Variants in CBR4 observed in about 807,000 individuals in gnomAD.
The protein encoded by CBR4 is carbonyl reductase 4.
In CBR4, 22 loss-of-function variants were observed where a neutral mutation model predicts 21.0. The observed-to-expected ratio is 1.05, with a 90% CI of 0.75 to 1.50. CBR4 has a LOEUF of 1.50. CBR4 is among the 40% of genes most tolerant of loss of function. The pLI is 0.00. For missense variants in CBR4, 302 were observed against 286.3 expected (o/e 1.05, Z -0.40); for synonymous variants, 100 against 104.4 (o/e 0.96, Z 0.26).
intron 2 of CBR4, among the ~76,000 whole-genome samples, chr4:168,945,347 C>T (rs1479594859): frequency 6.6e-6 from 1 of 152,162 alleles, no homozygotes; most frequent in Admixed American, 6.6e-5. Flanking sequence ...TCAAGAACCT[C>T]GAAGAATCTC....
chr4:168,954,418 G>A (rs1367285378), intron 2 of CBR4, among the ~76,000 whole-genome samples: 2 of 152,102 alleles, frequency 1.3e-5, no homozygotes, highest in African/African-American at 2.4e-5. Flanking sequence ...GCATCTGCTT[G>A]GCCATTTGGT....
chr4:168,941,919 A>G (rs1763274658), intron 2 of CBR4, among the ~76,000 whole-genome samples: 1 of 152,144 alleles, frequency 6.6e-6, no homozygotes, highest in Admixed American at 6.6e-5. Context: ...TCTACTATAA[A>G]GACACATGCA....
At chr4:168,956,459 A>C (rs1396364626) in intron 2 of CBR4, among the ~76,000 whole-genome samples, 4 of 151,872 alleles carry the variant, frequency 2.6e-5, no homozygotes, top group Non-Finnish European at 5.9e-5. Flanking sequence ...TTAGTTACGC[A>C]CGGTGGCGTG....
intron 2 of CBR4, among the ~76,000 whole-genome samples, chr4:168,969,730 G>A (rs968140701): frequency 2.0e-5 from 3 of 152,070 alleles, no homozygotes; most frequent in Non-Finnish European, 2.9e-5. Context: ...AAGAGATCCC[G>A]CTGATCTACA....
Position 168,989,498 on chromosome 4 carries a change from G to T in CBR4, c.*652C>A, listed in dbSNP as rs1249899793. The T allele has an allele frequency of 1.0e-6, 1 of 985,186 alleles. No individual in the cohort carries two copies. The highest frequency in any genetic ancestry group is 1.1e-4 in the East Asian group (1 of 8,834). The allele number at this position is 985,186 out of a possible 1,614,324, so 61.0% of individuals were successfully genotyped here. A position where few individuals can be genotyped will look rare whatever the true frequency, so the allele number is the denominator to read the frequency against. ...ATGTCTTTAATGAATACTATGTTTT[G>T]CAACCTGTATAAAAACTGATCACCC... On this transcript the variant is annotated 3_prime_UTR_variant, in exon 5 of 5. Transcript: ENST00000306193.
At chr4:168,904,840 T>G (rs1303100703) in intron 2 of CBR4, among the ~76,000 whole-genome samples, 1 of 152,122 alleles carries the variant, frequency 6.6e-6, no homozygotes, top group Non-Finnish European at 1.5e-5. Flanking sequence ...TAATTAAAGT[T>G]TCTGGCCCAG....
chr4:168,961,478 C>G lies in CBR4; in HGVS notation n.169+40593G>C, dbSNP rs76539613. 8.7e-3 allele frequency among the ~76,000 whole-genome samples: 1,318 copies of G among 152,012 alleles called. 17 individuals are homozygous for G. The highest frequency in any genetic ancestry group is 0.03 in the African/African-American group (1,237 of 41,456). On this transcript the variant is annotated intron_variant and non_coding_transcript_variant, in intron 2 of 3. Transcript: ENST00000509108. ...GTTTCTGGCTGTCTACTGTGAAACC[C>G]CTAAAAATGTAAAATTCAATATGTG...
chr4:168,938,914 G>GA (rs1763184655), intron 2 of CBR4, among the ~76,000 whole-genome samples: 4 of 152,068 alleles, frequency 2.6e-5, no homozygotes, highest in African/African-American at 9.7e-5. Flanking sequence ...CTAAACAATA[G>GA]TAAAAAAGGG....
rs1425479998 is a variant in CBR4, at chr4:168,998,115, CAACTTAAAA to C, written c.535+3947_535+3955del. 2.0e-5 allele frequency among the ~76,000 whole-genome samples: 3 copies of C among 152,216 alleles called. No homozygotes were observed. In the East Asian group the frequency reaches 5.8e-4, roughly 29 times the overall value. ...CCAAGTAGTAAACATAAAAGCTCTT[CAACTTAAAA>C]AATAAAGTACTGAAACACTTAAGGT... On this transcript the variant is annotated intron_variant, in intron 4 of 4. Transcript: ENST00000306193.
At chr4:168,913,576 G>A (rs1359046325) in intron 2 of CBR4, among the ~76,000 whole-genome samples, 2 of 152,030 alleles carry the variant, frequency 1.3e-5, no homozygotes, top group African/African-American at 4.8e-5. Flanking sequence ...AGAGACTGAT[G>A]TCCTCCTGCT....
intron 2 of CBR4, among the ~76,000 whole-genome samples, chr4:168,945,030 A>G (rs1763366461): frequency 6.6e-6 from 1 of 152,210 alleles, no homozygotes; most frequent in African/African-American, 2.4e-5. Flanking sequence ...GTGTTAGACA[A>G]TAACCATTCT....
At chr4:168,985,699 T>C (rs1474468322), downstream of CBR4, among the ~76,000 whole-genome samples, 1 of 151,966 alleles carries the variant, frequency 6.6e-6, no homozygotes, top group African/African-American at 2.4e-5. Context: ...ACAACACAGC[T>C]ACAAAAAAAA....
chr4:168,900,164 A>AG (rs1417607651), intron 2 of CBR4, among the ~76,000 whole-genome samples: 1 of 152,146 alleles, frequency 6.6e-6, no homozygotes, highest in Non-Finnish European at 1.5e-5. Context: ...CTTACCACCA[A>AG]GGGGATGGTG....
In CBR4 at chr4:168,903,825, C is replaced by G. The variant is rs863224382; in HGVS notation, n.170-9060G>C. ...ATCACTACACCATTCAAAGAGATCT[C>G]GATGGGACCTGCTCCCTCCATACCA... is the stretch of plus-strand genomic sequence containing the variant. On this transcript the variant is annotated intron_variant and non_coding_transcript_variant, in intron 2 of 3. Coordinates refer to the CBR4 transcript ENST00000509108. 2 of 1,612,240 alleles carry G rather than the reference C, an allele frequency of 1.2e-6. No individual in the cohort carries two copies. The highest frequency in any genetic ancestry group is 1.7e-4 in the Middle Eastern group (1 of 6,054).
At chr4:168,906,992 G>A (rs1200158633) in intron 2 of CBR4, among the ~76,000 whole-genome samples, 3 of 152,154 alleles carry the variant, frequency 2.0e-5, no homozygotes, top group African/African-American at 7.2e-5. Flanking sequence ...GCAGTACAGG[G>A]GTTATGAGCA....
At chr4:168,903,920 T>C in intron 2 of CBR4, 3 of 1,612,506 alleles carry the variant, frequency 1.9e-6, no homozygotes, top group Non-Finnish European at 2.5e-6. Context: ...AAGAAGGGTA[T>C]AGGTCTGGGC....
At position 169,006,316 on chromosome 4, in the gene CBR4, C is replaced by T. The variant is rs140334818; in HGVS notation, c.400+439G>A. On this transcript the variant is annotated intron_variant, in intron 3 of 4. Transcript: ENST00000306193. ...ATGAGTTAAAGACCAGCCTAGGCCA[C>T]ATAGTGTGACCTCGTCTCTATTTAA... is the stretch of plus-strand genomic sequence containing the variant. 6.6e-5 allele frequency among the ~76,000 whole-genome samples: 10 copies of T among 152,056 alleles called. No individual in the cohort carries two copies. The East Asian group carries it at 1.7e-3, about 26-fold the overall frequency.
chr4:168,926,248 A>G lies in CBR4; in HGVS notation n.170-31483T>C. 3 of 1,536,542 alleles carry G rather than the reference A, an allele frequency of 2.0e-6. No individual in the cohort carries two copies. Among genetic ancestry groups the G allele is most frequent in the Non-Finnish European group, 2.6e-6 (3 of 1,146,496 alleles). On this transcript the variant is annotated intron_variant and non_coding_transcript_variant, in intron 2 of 3. Transcript: ENST00000509108. ...TCAGCAGTCACAGAGCACCAAGCCA[A>G]AAAAAGTACGGCCCTCAGCCAGTCG...
At position 168,979,658 on chromosome 4, in the gene CBR4, G is replaced by A. The variant is rs572548715; in HGVS notation, n.169+22413C>T. 5.9e-5 allele frequency among the ~76,000 whole-genome samples: 9 copies of A among 152,246 alleles called. No individual in the cohort carries two copies. The East Asian group carries it at 1.7e-3, about 29-fold the overall frequency. ...GCATGTCGCAGCCACCACAGGGAGA[G>A]GAACCAGTCTCTCTTCCCTATGAGC... On this transcript the variant is annotated intron_variant and non_coding_transcript_variant, in intron 2 of 3. Coordinates refer to the CBR4 transcript ENST00000509108.
Sources: allele counts gnomAD v4.1 joint callset (sites outside exome capture counted in the v4.1 genomes callset), GRCh38; gene constraint gnomAD v4.1.1; transcripts MANE v1.5; gene names NCBI Gene and HGNC (gene_info 2026-07-23, HGNC 2026-07-21).